Variants in MCFD2 observed in about 807,000 individuals in gnomAD.
The protein encoded by MCFD2 is multiple coagulation factor deficiency 2, ER cargo receptor complex subunit.
In MCFD2, 11 loss-of-function variants were observed where a neutral mutation model predicts 12.8. The observed-to-expected ratio is 0.86, with a 90% CI of 0.54 to 1.42. The LOEUF is 1.42. Among genes scored for constraint, MCFD2 ranks in the 40% most tolerant of loss-of-function variants. MCFD2 has a pLI of 0.00. For synonymous variants in MCFD2, 70 were observed against 68.1 expected (o/e 1.03, Z -0.14); for missense variants, 191 against 178.6 (o/e 1.07, Z -0.40).
chr2:46,909,297 G>T, intron 1 of MCFD2, 120 bp from the exon 2 acceptor site: 1 of 1,190,734 alleles, frequency 8.4e-7, no homozygotes, highest in Non-Finnish European at 1.2e-6. Context: ...AAGAGAGCTT[G>T]TCAAACACGG....
At chr2:46,916,170 C>A, upstream of MCFD2, 1 of 985,364 alleles carries the variant, frequency 1.0e-6, no homozygotes, top group Non-Finnish European at 1.2e-6. Flanking sequence ...CTATACAGGG[C>A]TCTTGGTTCA....
intron 1 of MCFD2, among the ~76,000 whole-genome samples, chr2:46,935,272 C>G (rs762878000): frequency 6.6e-6 from 1 of 152,148 alleles, no homozygotes; most frequent in Non-Finnish European, 1.5e-5. Context: ...CCTCCCCACA[C>G]TCTTTCATCC....
chr2:46,911,454 T>TAA (rs771486553), intron 1 of MCFD2, among the ~76,000 whole-genome samples: 1 of 133,632 alleles, frequency 7.5e-6, no homozygotes, highest in Non-Finnish European at 1.6e-5. Context: ...ATCTGTAGTT[T>TAA]AAAAAAAAAA....
intron 1 of MCFD2, among the ~76,000 whole-genome samples, chr2:46,935,423 A>T (rs752029307): frequency 1.3e-5 from 2 of 152,160 alleles, no homozygotes; most frequent in Non-Finnish European, 2.9e-5. Context: ...CAAAAAAAAT[A>T]AAAAAACAAA....
At chr2:46,923,737 T>A (rs1219831993) in intron 1 of MCFD2, among the ~76,000 whole-genome samples, 1 of 140,766 alleles carries the variant, frequency 7.1e-6, no homozygotes, top group East Asian at 2.0e-4. Context: ...ATAGAAAAAC[T>A]TTTTTTTTTT....
rs945672919 is a variant in MCFD2 at position 46,941,786 on chromosome 2, A to G, written c.-222T>C. Reference sequence around the variant, plus strand: ...GCGCGCGAAACGCACCGCCTCCTCCAGGAAGCGCGCCCAGACAGTCCTCGG... The same window carrying G: ...GCGCGCGAAACGCACCGCCTCCTCCGGGAAGCGCGCCCAGACAGTCCTCGG... On this transcript the variant is annotated 5_prime_UTR_variant, in exon 1 of 3. Transcript: ENST00000409147. The surrounding 1 kb of genome is among the most constrained non-coding windows in gnomAD (Gnocchi z 4.2). 34 of 1,542,786 alleles carry G rather than the reference A, an allele frequency of 2.2e-5. No individual in the cohort carries two copies. The highest frequency in any genetic ancestry group is 2.8e-5 in the Non-Finnish European group (32 of 1,142,956).
chr2:46,941,282 C>T lies in MCFD2; in HGVS notation c.-8+290G>A, dbSNP rs1311427584. ...GCGCCAGGAGCTGCTACAGCAGAGG[C>T]GGAGGTTGCTCCTGTACGCGTACGG... On this transcript the variant is annotated intron_variant, in intron 1 of 2. Transcript: ENST00000409147. This position sits in a 1 kb window ranked among gnomAD's most constrained non-coding sequence, Gnocchi z 4.2. 1 of 167,056 alleles carries T rather than the reference C, an allele frequency of 6.0e-6. No homozygotes were observed. The highest frequency in any genetic ancestry group is 1.3e-5 in the Non-Finnish European group (1 of 79,250). The allele number at this position is 167,056 out of a possible 1,614,324, so 10.3% of individuals were successfully genotyped here.
At chr2:46,936,722 G>C (rs560134818) in intron 1 of MCFD2, among the ~76,000 whole-genome samples, 1 of 152,084 alleles carries the variant, frequency 6.6e-6, no homozygotes, top group Non-Finnish European at 1.5e-5. Context: ...TTAGAATTGC[G>C]GTAGCCACTA....
At chr2:46,930,850 C>A (rs186759420) in intron 1 of MCFD2, among the ~76,000 whole-genome samples, 113 of 152,156 alleles carry the variant, frequency 7.4e-4, no homozygotes, top group African/African-American at 2.6e-3. Context: ...TTAAACCTTC[C>A]CATAAATAGC....
intron 1 of MCFD2, among the ~76,000 whole-genome samples, chr2:46,924,471 G>A (rs1259062752): frequency 6.6e-6 from 1 of 151,896 alleles, no homozygotes; most frequent in East Asian, 1.9e-4. Context: ...TTTATATTTT[G>A]TATTTGAGTA....
chr2:46,913,735 T>A (rs758486070), intron 1 of MCFD2: 1 of 152,390 alleles, frequency 6.6e-6, no homozygotes, highest in Non-Finnish European at 1.5e-5. Context: ...GCCTCAGTCC[T>A]GGGAGGGCAG....
Position 46,907,983 on chromosome 2 carries a change from G to C in MCFD2, c.150-14C>G, listed in dbSNP as rs1403379855. ...TCCATGATATGCCTAAAAATCAACAGTCAGGTTCAGGCCAATTGACAGATA... is the reference window on the plus strand; with the variant it reads ...TCCATGATATGCCTAAAAATCAACACTCAGGTTCAGGCCAATTGACAGATA... On this transcript the variant is annotated splice_polypyrimidine_tract_variant and intron_variant, in intron 2 of 3. Coordinates refer to ENST00000319466, the MANE Select transcript of MCFD2 (RefSeq NM_139279.6). This position sits in a 1 kb window ranked among gnomAD's most constrained non-coding sequence, Gnocchi z 4.1. The C allele has an allele frequency of 2.5e-6, 4 of 1,613,756 alleles. No individual in the cohort carries two copies. The African/African-American group carries it at 5.3e-5, about 22-fold the overall frequency.
Position 46,941,738 on chromosome 2 carries a change from A to G in MCFD2, c.-174T>C. ...TTTCCGGACACCGGTGAGTAAGGGA[A>G]GAGGCTGGCTCGCCGGCAGCGAGCG... On this transcript the variant is annotated 5_prime_UTR_variant, in exon 1 of 3. Coordinates refer to the MCFD2 transcript ENST00000409147. The surrounding 1 kb of genome is among the most constrained non-coding windows in gnomAD (Gnocchi z 4.2). 6.5e-7 allele frequency: 1 copy of G among 1,548,848 alleles called. No homozygotes were observed. The highest frequency in any genetic ancestry group is 8.7e-7 in the Non-Finnish European group (1 of 1,146,476).
At chr2:46,916,143 A>G (rs1434697426), upstream of MCFD2, 1 of 985,040 alleles carries the variant, frequency 1.0e-6, no homozygotes, top group Non-Finnish European at 1.2e-6. Context: ...CTGGCTCCCA[A>G]CTCCGCTCAC....
chr2:46,915,707 G>C lies in MCFD2; in HGVS notation c.-7+16C>G, dbSNP rs1668719506. 1.1e-6 allele frequency: 1 copy of C among 943,816 alleles called. No individual in the cohort carries two copies. Among genetic ancestry groups the C allele is most frequent in the African/African-American group, 1.8e-5 (1 of 56,474 alleles). 58.5% of individuals were successfully genotyped at this position (943,816 alleles called of 1,614,324 possible). On this transcript the variant is annotated intron_variant, in intron 1 of 3. Transcript: ENST00000319466. ...CGGGATCCCGCCCGCTGCGGAGAGT[G>C]CGCTAGTTCACTCACCCTTACGGTC...
chr2:46,906,594 TC>T (rs974620294), intron 3 of MCFD2, among the ~76,000 whole-genome samples: 1 of 144,576 alleles, frequency 6.9e-6, no homozygotes, highest in Non-Finnish European at 1.5e-5. Flanking sequence ...CAGGTGTTCC[TC>T]CCCACTACCC....
chr2:46,938,945 A>C (rs1670113445), intron 1 of MCFD2, among the ~76,000 whole-genome samples: 3 of 149,774 alleles, frequency 2.0e-5, no homozygotes, highest in African/African-American at 7.4e-5. Context: ...TGGGAGGCGG[A>C]GGTTGTTGTG....
rs1357447741 is a variant in MCFD2 at position 46,902,894 on chromosome 2, GT to G, written c.*2568del. ...AAGCATCCACTTGGCAAAGCCTGTT[GT>G]TTTACTTTTCAGGTGATGTGAATTA... On this transcript the variant is annotated 3_prime_UTR_variant, in exon 4 of 4. Coordinates refer to ENST00000319466, the MANE Select transcript of MCFD2 (RefSeq NM_139279.6). 1 of 152,186 alleles carries G rather than the reference GT, an allele frequency of 6.6e-6. No homozygotes were observed. Among genetic ancestry groups the G allele is most frequent in the Non-Finnish European group, 1.5e-5 (1 of 68,016 alleles). 9.4% of individuals were successfully genotyped at this position (152,186 alleles called of 1,614,324 possible). A position where few individuals can be genotyped will look rare whatever the true frequency, so the allele number is the denominator to read the frequency against.
At chr2:46,917,526 C>G (rs1225139446), upstream of MCFD2, among the ~76,000 whole-genome samples, 1 of 152,170 alleles carries the variant, frequency 6.6e-6, no homozygotes, top group Non-Finnish European at 1.5e-5. Context: ...ACTAGAGATA[C>G]AAATAAGACA....
Sources: allele counts gnomAD v4.1 joint callset (sites outside exome capture counted in the v4.1 genomes callset), GRCh38; gene constraint gnomAD v4.1.1; non-coding constraint Gnocchi (gnomAD v3.1); transcripts MANE v1.5; gene names NCBI Gene and HGNC (gene_info 2026-07-23, HGNC 2026-07-21).